Variants in CCSER1 observed in about 807,000 individuals in gnomAD.
The protein encoded by CCSER1 is coiled-coil serine rich protein 1.
Under a neutral mutation model 82.0 loss-of-function variants are expected in CCSER1, and 41 were observed. The observed-to-expected ratio is 0.50, with a 90% CI of 0.39 to 0.65. The LOEUF (loss-of-function observed/expected upper bound fraction) is 0.65, where lower values mean the gene tolerates loss of function less well. Among genes scored for constraint, CCSER1 ranks in the 30% least tolerant of loss-of-function variants. The probability of loss-of-function intolerance (pLI) is 0.00; values close to 1 mark genes in which losing one functional copy is unlikely to be tolerated. For synonymous variants in CCSER1, 414 were observed against 383.9 expected (o/e 1.08, Z -0.92); for missense variants, 1,119 against 1,064.2 (o/e 1.05, Z -0.72).
intron 8 of CCSER1, among the ~76,000 whole-genome samples, chr4:90,871,423 C>T (rs1475182724): frequency 6.6e-6 from 1 of 151,762 alleles, no homozygotes; most frequent in Non-Finnish European, 1.5e-5. Context: ...TCTCATTGAC[C>T]CAGTGGTCAT....
chr4:90,387,658 G>A (rs1750268782), intron 3 of CCSER1, among the ~76,000 whole-genome samples: 1 of 152,184 alleles, frequency 6.6e-6, no homozygotes, highest in African/African-American at 2.4e-5. Flanking sequence ...TGATACCTGA[G>A]TAATGAAGCC....
intron 5 of CCSER1, among the ~76,000 whole-genome samples, chr4:90,521,217 T>C (rs1005909695): frequency 6.6e-5 from 10 of 152,180 alleles, no homozygotes; most frequent in African/African-American, 2.4e-4. Flanking sequence ...TGTATGCATA[T>C]GCCAATAACA....
At chr4:90,771,983 G>A (rs1488860559) in intron 7 of CCSER1, among the ~76,000 whole-genome samples, 3 of 152,042 alleles carry the variant, frequency 2.0e-5, no homozygotes, top group African/African-American at 7.2e-5. Flanking sequence ...CCCAGGTGCT[G>A]CCAGACTAAA....
chr4:90,921,612 G>A (rs1478163528), intron 8 of CCSER1, among the ~76,000 whole-genome samples: 1 of 151,880 alleles, frequency 6.6e-6, no homozygotes, highest in Non-Finnish European at 1.5e-5. Flanking sequence ...TTATAACTCA[G>A]AGCAGTAATC....
At chr4:90,707,538 A>ATAT (rs199769910) in intron 6 of CCSER1, among the ~76,000 whole-genome samples, 31 of 138,048 alleles carry the variant, frequency 2.2e-4, no homozygotes, top group African/African-American at 7.1e-4. Flanking sequence ...TTAAAAAAAA[A>ATAT]ATATATATAT....
chr4:90,695,778 G>A (rs1018522090), intron 6 of CCSER1, among the ~76,000 whole-genome samples: 8 of 151,804 alleles, frequency 5.3e-5, no homozygotes, highest in Non-Finnish European at 1.2e-4. Flanking sequence ...CCCTAGTAAT[G>A]ATATTTATAT....
At chr4:91,196,961 A>G (rs925779689) in intron 10 of CCSER1, among the ~76,000 whole-genome samples, 20 of 152,242 alleles carry the variant, frequency 1.3e-4, no homozygotes, top group Non-Finnish European at 2.8e-4. Context: ...AGCTAGCTCC[A>G]AAAGAGAAAT....
intron 10 of CCSER1, among the ~76,000 whole-genome samples, chr4:91,489,480 C>T (rs1269669601): frequency 6.6e-6 from 1 of 152,088 alleles, no homozygotes; most frequent in Non-Finnish European, 1.5e-5. Context: ...TCAGTATCTA[C>T]CCAATCTCCA....
chr4:90,196,513 A>G (rs982436004), intron 1 of CCSER1, among the ~76,000 whole-genome samples: 1 of 151,984 alleles, frequency 6.6e-6, no homozygotes, highest in African/African-American at 2.4e-5. Context: ...TGTTTCTTTA[A>G]TTTGGGCAAA....
At chr4:90,411,478 T>A in intron 4 of CCSER1, among the ~76,000 whole-genome samples, 1 of 152,010 alleles carries the variant, frequency 6.6e-6, no homozygotes, top group East Asian at 1.9e-4. Context: ...CATACGAAAA[T>A]CAATAAACGT....
intron 10 of CCSER1, among the ~76,000 whole-genome samples, chr4:91,460,385 A>G (rs1013725425): frequency 1.3e-5 from 2 of 152,148 alleles, no homozygotes; most frequent in Non-Finnish European, 2.9e-5. Flanking sequence ...ATAGCTTTTA[A>G]GGTCCAGGAG....
chr4:90,519,048 A>G (rs1017714475), intron 5 of CCSER1, among the ~76,000 whole-genome samples: 5 of 151,890 alleles, frequency 3.3e-5, no homozygotes, highest in African/African-American at 9.7e-5. Flanking sequence ...CAGAATTTGT[A>G]CTTTAAATTT....
At chr4:90,493,558 T>G (rs1054870738) in intron 5 of CCSER1, among the ~76,000 whole-genome samples, 4 of 152,160 alleles carry the variant, frequency 2.6e-5, no homozygotes, top group Non-Finnish European at 4.4e-5. Context: ...GACTAACAGC[T>G]GATCTCTTGC....
At chr4:91,330,252 T>C (rs1242859411) in intron 10 of CCSER1, among the ~76,000 whole-genome samples, 1 of 152,162 alleles carries the variant, frequency 6.6e-6, no homozygotes, top group East Asian at 1.9e-4. Flanking sequence ...TTATCTTTTA[T>C]GGTTATTGAT....
chr4:91,389,546 T>C (rs866818140), intron 10 of CCSER1, among the ~76,000 whole-genome samples: 11 of 152,134 alleles, frequency 7.2e-5, no homozygotes, highest in African/African-American at 2.4e-4. Flanking sequence ...CCCTTCAATA[T>C]TGAGTTGGTT....
intron 7 of CCSER1, among the ~76,000 whole-genome samples, chr4:90,796,360 T>A (rs1267861080): frequency 6.6e-6 from 1 of 151,702 alleles, no homozygotes; most frequent in Non-Finnish European, 1.5e-5. Context: ...TCTGTTTATT[T>A]GGATATTATC....
chr4:91,191,650 A>G (rs1735002972), intron 10 of CCSER1, among the ~76,000 whole-genome samples: 1 of 152,168 alleles, frequency 6.6e-6, no homozygotes, highest in Admixed American at 6.5e-5. Flanking sequence ...GGCAGGTTCC[A>G]CAGTTTCAGG....
chr4:90,718,889 G>T (rs1159993559), intron 6 of CCSER1, among the ~76,000 whole-genome samples: 2 of 152,058 alleles, frequency 1.3e-5, no homozygotes, highest in African/African-American at 2.4e-5. Context: ...TCCAACCTCA[G>T]CAGAGTACAT....
intron 10 of CCSER1, among the ~76,000 whole-genome samples, chr4:91,434,002 T>C (rs1422752435): frequency 6.6e-6 from 1 of 152,176 alleles, no homozygotes; most frequent in African/African-American, 2.4e-5. Flanking sequence ...GGACAAGGCA[T>C]TGAGACCGCT....
Sources: allele counts gnomAD v4.1 joint callset (sites outside exome capture counted in the v4.1 genomes callset), GRCh38; gene constraint gnomAD v4.1.1; transcripts MANE v1.5; gene names NCBI Gene and HGNC (gene_info 2026-07-23, HGNC 2026-07-21).